The following DACH1 variants were observed in gnomAD, a reference collection of about 807,000 sequenced individuals.
DACH1 encodes dachshund homolog 1.
A neutral mutation model predicts 54.2 loss-of-function variants in DACH1; 12 were observed. The observed-to-expected ratio is 0.22, with a 90% confidence interval of 0.14 to 0.36. The LOEUF is 0.36. Among genes scored for constraint, DACH1 ranks in the 10% least tolerant of loss-of-function variants. The pLI, the probability that DACH1 is intolerant of heterozygous loss-of-function variation, is 1.00. For missense variants in DACH1, 805 were observed against 929.8 expected (o/e 0.87, Z 1.75); for synonymous variants, 386 against 366.2 (o/e 1.05, Z -0.62).
chr13:71,690,827 G>A (rs1490851278), intron 1 of DACH1, among the ~76,000 whole-genome samples: 2 of 152,110 alleles, frequency 1.3e-5, no homozygotes, highest in African/African-American at 4.8e-5. Context: ...AGCTACTCAA[G>A]AGGCTGAGGC....
intron 1 of DACH1, among the ~76,000 whole-genome samples, chr13:71,826,975 C>T (rs1395715723): frequency 2.0e-5 from 3 of 152,062 alleles, no homozygotes; most frequent in Admixed American, 6.6e-5. Flanking sequence ...TTTCCTAAGA[C>T]ATTCAAATTC....
chr13:71,747,154 G>C (rs748012211), intron 1 of DACH1, among the ~76,000 whole-genome samples: 4 of 151,764 alleles, frequency 2.6e-5, no homozygotes, highest in Non-Finnish European at 5.9e-5. Context: ...ATTTTTATAG[G>C]AAAAATTACC....
chr13:71,544,461 C>A (rs916373306), intron 6 of DACH1, among the ~76,000 whole-genome samples: 1 of 152,018 alleles, frequency 6.6e-6, no homozygotes, highest in Non-Finnish European at 1.5e-5. Flanking sequence ...TACCACATAG[C>A]AGGTAATAAC....
chr13:71,765,462 A>G (rs1176920312), intron 1 of DACH1, among the ~76,000 whole-genome samples: 3 of 152,170 alleles, frequency 2.0e-5, no homozygotes, highest in African/African-American at 7.2e-5. Context: ...ACACTTTCCA[A>G]TTTGTCCCAC....
At chr13:71,574,503 T>C (rs1885413510) in intron 3 of DACH1, among the ~76,000 whole-genome samples, 1 of 152,154 alleles carries the variant, frequency 6.6e-6, no homozygotes, top group African/African-American at 2.4e-5. Context: ...GCTAAAAGCC[T>C]CATTGTAAAA....
At chr13:71,821,206 T>C (rs1386473185) in intron 1 of DACH1, among the ~76,000 whole-genome samples, 6 of 152,202 alleles carry the variant, frequency 3.9e-5, no homozygotes, top group Admixed American at 3.3e-4. Flanking sequence ...ACATGGTGCT[T>C]AGTTCCTTTT....
chr13:71,502,666 G>C (rs1159058841), intron 6 of DACH1, among the ~76,000 whole-genome samples: 3 of 152,180 alleles, frequency 2.0e-5, no homozygotes, highest in Admixed American at 6.6e-5. Flanking sequence ...CTTGGATAAT[G>C]CAACAAATTA....
chr13:71,721,905 T>A (rs1027957299), intron 1 of DACH1, among the ~76,000 whole-genome samples: 1 of 152,130 alleles, frequency 6.6e-6, no homozygotes, highest in African/African-American at 2.4e-5. Flanking sequence ...AATATATACC[T>A]GAAGCTTTAA....
chr13:71,670,202 C>T (rs888375981), intron 2 of DACH1, among the ~76,000 whole-genome samples: 4 of 152,012 alleles, frequency 2.6e-5, no homozygotes, highest in African/African-American at 9.7e-5. Flanking sequence ...CTGACTAATT[C>T]CTTAATGAAG....
chr13:71,820,589 TA>T (rs1295503368), intron 1 of DACH1, among the ~76,000 whole-genome samples: 1 of 152,080 alleles, frequency 6.6e-6, no homozygotes, highest in African/African-American at 2.4e-5. Flanking sequence ...AATCATGAGT[TA>T]AAAAAACAGA....
At chr13:71,573,302 T>G (rs1022185121) in intron 3 of DACH1, 4 of 627,902 alleles carry the variant, frequency 6.4e-6, no homozygotes, top group Non-Finnish European at 1.1e-5. Context: ...TTTCTTTAAC[T>G]TATCCCAATT....
chr13:71,850,331 C>T (rs1873576751), intron 1 of DACH1, among the ~76,000 whole-genome samples: 1 of 152,136 alleles, frequency 6.6e-6, no homozygotes, highest in Non-Finnish European at 1.5e-5. Context: ...TACTCAACAC[C>T]TTCGGGCCCT....
At chr13:71,668,925 C>T (rs1435385173) in intron 2 of DACH1, among the ~76,000 whole-genome samples, 2 of 151,584 alleles carry the variant, frequency 1.3e-5, no homozygotes, top group African/African-American at 4.9e-5. Context: ...AACTCTGTCT[C>T]AAATAAAAAA....
chr13:71,652,633 G>A (rs1224085973), intron 2 of DACH1, among the ~76,000 whole-genome samples: 1 of 152,024 alleles, frequency 6.6e-6, no homozygotes, highest in Non-Finnish European at 1.5e-5. Flanking sequence ...GTGATAATCA[G>A]TTATTATTAA....
chr13:71,651,488 C>G (rs889482825), intron 2 of DACH1, among the ~76,000 whole-genome samples: 1 of 152,032 alleles, frequency 6.6e-6, no homozygotes. Context: ...TGGCAAAATC[C>G]TGTCTTTACT....
intron 4 of DACH1, among the ~76,000 whole-genome samples, chr13:71,564,998 T>C (rs1884819330): frequency 6.6e-6 from 1 of 152,122 alleles, no homozygotes; most frequent in Admixed American, 6.5e-5. Flanking sequence ...CTCGGCTCAC[T>C]GCAACCTCCA....
At chr13:71,779,759 A>G (rs1285301586) in intron 1 of DACH1, among the ~76,000 whole-genome samples, 1 of 151,992 alleles carries the variant, frequency 6.6e-6, no homozygotes, top group African/African-American at 2.4e-5. Flanking sequence ...ATTCAACAAA[A>G]AAGTTTCCCT....
chr13:71,704,088 TA>T (rs1391439724), intron 1 of DACH1: 1 of 157,968 alleles, frequency 6.3e-6, no homozygotes, highest in African/African-American at 2.4e-5. Flanking sequence ...CGATTTTAAT[TA>T]AAAAATACAA....
chr13:71,584,828 G>A (rs1873117079), intron 3 of DACH1, among the ~76,000 whole-genome samples: 1 of 151,936 alleles, frequency 6.6e-6, no homozygotes, highest in Non-Finnish European at 1.5e-5. Flanking sequence ...AAATCTTAGG[G>A]AGGCAAGACA....
Sources: allele counts gnomAD v4.1 joint callset (sites outside exome capture counted in the v4.1 genomes callset), GRCh38; gene constraint gnomAD v4.1.1; transcripts MANE v1.5; gene names NCBI Gene and HGNC (gene_info 2026-07-23, HGNC 2026-07-21).